The following ABCC4 variants were observed in gnomAD, a reference collection of about 807,000 sequenced individuals.
ABCC4 encodes ATP binding cassette subfamily C member 4 (PEL blood group).
In ABCC4, 102 loss-of-function variants were observed where a neutral mutation model predicts 168.5. The observed-to-expected ratio is 0.61, with a 90% CI of 0.52 to 0.71. The LOEUF (loss-of-function observed/expected upper bound fraction) is 0.71. Among genes scored for constraint, ABCC4 ranks in the 30% least tolerant of loss-of-function variants. The pLI is 0.00. For synonymous variants in ABCC4, 617 were observed against 590.7 expected (o/e 1.04, Z -0.65); for missense variants, 1,402 against 1,605.8 (o/e 0.87, Z 2.17).
intron 26 of ABCC4, among the ~76,000 whole-genome samples, chr13:95,059,071 T>C (rs1361301773): frequency 6.6e-6 from 1 of 152,230 alleles, no homozygotes; most frequent in African/African-American, 2.4e-5. Flanking sequence ...TGTGCGTGTG[T>C]GCGCACCTGC....
At chr13:95,050,490 G>A (rs1452003403) in intron 27 of ABCC4, among the ~76,000 whole-genome samples, 1 of 152,126 alleles carries the variant, frequency 6.6e-6, no homozygotes, top group African/African-American at 2.4e-5. Flanking sequence ...CCCCAAACGA[G>A]CAATGTAAAT....
At chr13:95,157,088 C>CCCCACACACACACACACA (rs1491107650) in intron 19 of ABCC4, among the ~76,000 whole-genome samples, 4 of 134,708 alleles carry the variant, frequency 3.0e-5, no homozygotes, top group African/African-American at 1.2e-4. Flanking sequence ...TGAGACTCTA[C>CCCCACACACACACACACA]CACACACACA....
intron 19 of ABCC4, among the ~76,000 whole-genome samples, chr13:95,119,257 C>CT: frequency 6.6e-6 from 1 of 152,262 alleles, no homozygotes; most frequent in South Asian, 2.1e-4. Flanking sequence ...CAATAAACAA[C>CT]TATTGAGTGC....
At chr13:95,260,321 T>C (rs949905200) in intron 1 of ABCC4, among the ~76,000 whole-genome samples, 3 of 152,190 alleles carry the variant, frequency 2.0e-5, no homozygotes, top group Non-Finnish European at 4.4e-5. Flanking sequence ...TACCCAATTA[T>C]GCCTGGGGAA....
At chr13:95,063,871 T>C (rs1220688950) in intron 25 of ABCC4, among the ~76,000 whole-genome samples, 2 of 152,230 alleles carry the variant, frequency 1.3e-5, no homozygotes, top group Non-Finnish European at 2.9e-5. Context: ...AATTTCCTGG[T>C]GGGAACTTCC....
chr13:95,253,735 C>A (rs1056338736), intron 1 of ABCC4, among the ~76,000 whole-genome samples: 1 of 151,574 alleles, frequency 6.6e-6, no homozygotes, highest in Non-Finnish European at 1.5e-5. Context: ...CAGAGCGAGA[C>A]CCCATCAAAA....
At chr13:95,185,792 G>T (rs1564352) in intron 11 of ABCC4, among the ~76,000 whole-genome samples, 60,484 of 151,750 alleles carry the variant, frequency 0.4, 12,376 homozygotes, top group African/African-American at 0.47. Flanking sequence ...TATCCACCAG[G>T]TTTATGAAAA....
chr13:95,234,838 A>C lies in ABCC4; in HGVS notation c.307-4T>G. The stretch of plus-strand genomic sequence containing the variant: ...GCTGGATTACTTTGGCACTTTCCTA[A>C]AAGAAGAAAAAGAAAAGCCTTTAAT... On this transcript the variant is annotated splice_polypyrimidine_tract_variant and splice_region_variant and intron_variant, in intron 3 of 30. Coordinates refer to ENST00000645237, the MANE Select transcript of ABCC4 (RefSeq NM_005845.5). 2 of 1,523,084 alleles carry C rather than the reference A, an allele frequency of 1.3e-6. No individual in the cohort carries two copies. Among genetic ancestry groups the C allele is most frequent in the Non-Finnish European group, 1.8e-6 (2 of 1,130,062 alleles). The allele number at this position is 1,523,084 out of a possible 1,614,324, so 94.3% of individuals were successfully genotyped here.
chr13:95,108,055 T>C (rs2139391612), intron 20 of ABCC4, among the ~76,000 whole-genome samples: 1 of 152,284 alleles, frequency 6.6e-6, no homozygotes, highest in South Asian at 2.1e-4. Context: ...ACCAGGTTTA[T>C]CATAAAACCA....
At chr13:95,140,048 C>A (rs998950720) in intron 19 of ABCC4, among the ~76,000 whole-genome samples, 2 of 152,198 alleles carry the variant, frequency 1.3e-5, no homozygotes, top group Non-Finnish European at 2.9e-5. Context: ...CAGGCCTCAT[C>A]TCTCCTTACT....
chr13:95,141,218 A>T (rs1360464001), intron 19 of ABCC4, among the ~76,000 whole-genome samples: 1 of 152,250 alleles, frequency 6.6e-6, no homozygotes, highest in Non-Finnish European at 1.5e-5. Flanking sequence ...TACAAGTCGG[A>T]GGCAAAGGCA....
intron 4 of ABCC4, among the ~76,000 whole-genome samples, chr13:95,229,118 C>T (rs7329432): frequency 0.76 from 115,878 of 151,956 alleles, 44,673 homozygotes; most frequent in Non-Finnish European, 0.84. Context: ...AAGAGAACCA[C>T]ACAGTATCAC....
At chr13:95,124,551 G>A (rs1228555334) in intron 19 of ABCC4, among the ~76,000 whole-genome samples, 1 of 107,596 alleles carries the variant, frequency 9.3e-6, no homozygotes, top group African/African-American at 3.8e-5. Flanking sequence ...AGCAAGAAAT[G>A]CCCCCTTTCT....
chr13:95,226,738 A>G (rs1375097011), intron 4 of ABCC4, among the ~76,000 whole-genome samples: 2 of 152,034 alleles, frequency 1.3e-5, no homozygotes, highest in Non-Finnish European at 2.9e-5. Flanking sequence ...CTGACTCAAC[A>G]CCCGGGCTCT....
At chr13:95,127,868 A>C (rs1309512326) in intron 19 of ABCC4, among the ~76,000 whole-genome samples, 1 of 152,232 alleles carries the variant, frequency 6.6e-6, no homozygotes, top group East Asian at 1.9e-4. Context: ...AACTGAAGGA[A>C]ACCTCAATAA....
chr13:95,182,499 T>C (rs757190345), intron 11 of ABCC4, among the ~76,000 whole-genome samples: 3 of 152,206 alleles, frequency 2.0e-5, no homozygotes, highest in Non-Finnish European at 2.9e-5. Context: ...TAAATATCAA[T>C]TCAAATAATG....
At chr13:95,221,613 T>C (rs918651023) in intron 4 of ABCC4, among the ~76,000 whole-genome samples, 1 of 150,262 alleles carries the variant, frequency 6.7e-6, no homozygotes, top group Non-Finnish European at 1.5e-5. Context: ...GGCCTGACAG[T>C]AAATAAGCAC....
At chr13:95,132,421 G>A (rs1490571949) in intron 19 of ABCC4, among the ~76,000 whole-genome samples, 1 of 151,966 alleles carries the variant, frequency 6.6e-6, no homozygotes, top group Non-Finnish European at 1.5e-5. Flanking sequence ...TCACCATGTT[G>A]GTCAGGCTGG....
At chr13:95,106,154 C>T (rs953910789) in intron 20 of ABCC4, among the ~76,000 whole-genome samples, 2 of 152,046 alleles carry the variant, frequency 1.3e-5, no homozygotes, top group Admixed American at 6.6e-5. Context: ...GAATTCCATA[C>T]ACAAGTTTAC....
Sources: allele counts gnomAD v4.1 joint callset (sites outside exome capture counted in the v4.1 genomes callset), GRCh38; gene constraint gnomAD v4.1.1; transcripts MANE v1.5; gene names NCBI Gene and HGNC (gene_info 2026-07-23, HGNC 2026-07-21).